The following WDR64 variants were observed in gnomAD, a reference collection of about 807,000 sequenced individuals.
WDR64 encodes WD repeat-containing protein 64.
WDR64 carries 112 observed loss-of-function variants against 139.3 expected under a neutral mutation model. The observed-to-expected ratio is 0.80, with a 90% CI of 0.69 to 0.94. The LOEUF is 0.94. WDR64 is among the 40% of genes least tolerant of loss of function. The pLI, the probability that WDR64 is intolerant of heterozygous loss-of-function variation, is 0.00. For synonymous variants in WDR64, 444 were observed against 437.7 expected (o/e 1.01, Z -0.18); for missense variants, 1,206 against 1,293.1 (o/e 0.93, Z 1.03).
chr1:241,682,359 C>T (rs1443777113), intron 6 of WDR64, among the ~76,000 whole-genome samples: 3 of 152,152 alleles, frequency 2.0e-5, no homozygotes, highest in South Asian at 4.1e-4. Flanking sequence ...GCCAATTATC[C>T]CAGCACCATT....
At chr1:241,696,405 T>C (rs959273390) in intron 8 of WDR64, among the ~76,000 whole-genome samples, 7 of 152,024 alleles carry the variant, frequency 4.6e-5, no homozygotes, top group African/African-American at 1.7e-4. Context: ...GGCGAGTCCA[T>C]AGAGTAAAGT....
rs897359010 is a variant in WDR64, at chr1:241,766,283, G to A, written c.2013G>A (p.Leu671=). The change falls in exon 16 of 28, where the codon TTG becomes TTA. Residue 671 remains leucine (L), a synonymous_variant. Transcript: ENST00000437684. The stretch of plus-strand genomic sequence containing the variant: ...TACTACAAGTAGAAGGATATAATTT[G>A]ATAGCAGCTGGAACCTTAAATGGTG... The part of the protein sequence containing the change: ...IDLLQVEGYN[L]IAAGTLNGVI... 2.5e-6 allele frequency: 4 copies of A among 1,613,970 alleles called. No individual in the cohort carries two copies. The African/African-American group carries it at 5.3e-5, about 22-fold the overall frequency.
At chr1:241,773,070 G>A (rs987654080) in intron 20 of WDR64, 139 bp downstream of exon 20, 33 of 1,121,206 alleles carry the variant, frequency 2.9e-5, no homozygotes, top group Non-Finnish European at 3.5e-5. Context: ...TGATCTTGCA[G>A]CCTGTTTATT....
At chr1:241,681,587 T>C (rs1666792959) in intron 6 of WDR64, among the ~76,000 whole-genome samples, 1 of 152,164 alleles carries the variant, frequency 6.6e-6, no homozygotes, top group Non-Finnish European at 1.5e-5. Flanking sequence ...TAAACATGAG[T>C]GAGCGAGTAG....
At chr1:241,725,090 A>G (rs1306426009) in intron 10 of WDR64, among the ~76,000 whole-genome samples, 1 of 152,138 alleles carries the variant, frequency 6.6e-6, no homozygotes, top group African/African-American at 2.4e-5. Flanking sequence ...ATCCTTGAAC[A>G]AATACCAAAA....
chr1:241,796,666 AT>A (rs1659376148), intron 27 of WDR64, among the ~76,000 whole-genome samples: 1 of 151,784 alleles, frequency 6.6e-6, no homozygotes, highest in African/African-American at 2.4e-5. Flanking sequence ...CTAATTTTGT[AT>A]TTTTTTAGTA....
intron 8 of WDR64, among the ~76,000 whole-genome samples, chr1:241,688,014 A>G (rs1388601663): frequency 3.3e-5 from 5 of 152,222 alleles, no homozygotes; most frequent in Non-Finnish European, 7.3e-5. Flanking sequence ...TCCTCATAGA[A>G]AGGTTCATTT....
intron 20 of WDR64, among the ~76,000 whole-genome samples, chr1:241,773,660 G>A (rs548052906): frequency 7.2e-5 from 11 of 152,114 alleles, no homozygotes; most frequent in South Asian, 2.1e-4. Flanking sequence ...TAGAGACGGG[G>A]TTTCACCATG....
chr1:241,791,539 C>T (rs973051432), intron 25 of WDR64, among the ~76,000 whole-genome samples: 2 of 151,994 alleles, frequency 1.3e-5, no homozygotes, highest in South Asian at 2.1e-4. Flanking sequence ...GGCATGGTGA[C>T]AGTCCACCTG....
chr1:241,696,143 C>CAAAAAAAAAAAAAAA (rs1553366775), intron 8 of WDR64, among the ~76,000 whole-genome samples: 3 of 52,904 alleles, frequency 5.7e-5, no homozygotes, highest in African/African-American at 9.9e-5. Flanking sequence ...AAAAAAAAAG[C>CAAAAAAAAAAAAAAA]ATTAGTCTGA....
chr1:241,728,862 T>C (rs1668962118), intron 10 of WDR64, among the ~76,000 whole-genome samples: 1 of 151,970 alleles, frequency 6.6e-6, no homozygotes, highest in Non-Finnish European at 1.5e-5. Context: ...TTACATACTT[T>C]GATGATTTAT....
intron 4 of WDR64, 61 bp downstream of exon 4, chr1:241,674,808 AG>A: frequency 1.9e-6 from 2 of 1,069,646 alleles, no homozygotes; most frequent in Non-Finnish European, 2.7e-6. Flanking sequence ...GTAATTTAAA[AG>A]CTTGGATTTC....
chr1:241,743,842 TTCTC>T (rs1669646595), intron 12 of WDR64, among the ~76,000 whole-genome samples: 2 of 152,124 alleles, frequency 1.3e-5, no homozygotes, highest in South Asian at 4.2e-4. Flanking sequence ...GTCAGTCTCT[TTCTC>T]TCTGTCTCTC....
chr1:241,761,055 C>G (rs1164010274), intron 15 of WDR64, among the ~76,000 whole-genome samples: 1 of 152,166 alleles, frequency 6.6e-6, no homozygotes, highest in Non-Finnish European at 1.5e-5. Context: ...ACAGAAGTTA[C>G]ACAGCTCTGC....
Position 241,678,197 on chromosome 1 carries a change from A to G in WDR64, c.494A>G (p.Gln165Arg). Residue 165 changes from glutamine to arginine, a missense_variant, in exon 5 of 28, where the codon CAG becomes CGG. Physicochemically the swap from Gln to Arg is conservative, Grantham distance 43 (BLOSUM62 1). Transcript: ENST00000437684. ...ITVFNNQMRV[Q>R]TSTNVTDTSW... ...TTCCTTTGTTCATAGATGAGAGTTC[A>G]GACCAGCACCAATGTTACAGTAAGT... is the stretch of plus-strand genomic sequence containing the variant. 1 of 398,972 alleles carries G rather than the reference A, an allele frequency of 2.5e-6. No homozygotes were observed. The highest frequency in any genetic ancestry group is 4.4e-6 in the Non-Finnish European group (1 of 225,998). 24.7% of individuals were successfully genotyped at this position (398,972 alleles called of 1,614,324 possible). A position where few individuals can be genotyped will look rare whatever the true frequency, so the allele number is the denominator to read the frequency against.
At chr1:241,655,118 C>T (rs1665530135) in intron 1 of WDR64, among the ~76,000 whole-genome samples, 1 of 152,206 alleles carries the variant, frequency 6.6e-6, no homozygotes, top group Non-Finnish European at 1.5e-5. Context: ...GGCGCGGTGG[C>T]TCACGCCTAT....
chr1:241,691,076 C>T (rs1370072285), intron 8 of WDR64, among the ~76,000 whole-genome samples: 4 of 151,952 alleles, frequency 2.6e-5, no homozygotes, highest in Admixed American at 2.6e-4. Flanking sequence ...TACAGTGTTA[C>T]TTGAAAGTGG....
At chr1:241,685,581 T>C (rs1013556222) in intron 7 of WDR64, among the ~76,000 whole-genome samples, 1 of 152,158 alleles carries the variant, frequency 6.6e-6, no homozygotes, top group Admixed American at 6.5e-5. Flanking sequence ...TTTTTCCTTA[T>C]AAAGACATTA....
At chr1:241,747,044 A>C (rs1032799571) in intron 13 of WDR64, among the ~76,000 whole-genome samples, 2 of 152,212 alleles carry the variant, frequency 1.3e-5, no homozygotes, top group Non-Finnish European at 2.9e-5. Context: ...TACAGGCGTG[A>C]GCCACCGCAC....
Sources: gnomAD v4.1 joint callset for allele counts (sites outside exome capture counted in the v4.1 genomes callset) on GRCh38, gnomAD v4.1.1 for gene constraint, MANE v1.5 for transcripts, NCBI Gene and HGNC (gene_info 2026-07-23, HGNC 2026-07-21) for gene names.